C1QTNF6: variants seen among roughly 807,000 people sequenced by gnomAD.
C1QTNF6 encodes the protein complement C1q tumor necrosis factor-related protein 6.
In C1QTNF6, 17 loss-of-function variants were observed where a neutral mutation model predicts 20.7. The ratio of observed to expected loss-of-function variants is 0.82; its 90% CI spans 0.56 to 1.23. The LOEUF is 1.23. C1QTNF6 is among the 50% of genes most tolerant of loss of function. The pLI is 0.00. For missense variants in C1QTNF6, 329 were observed against 389.7 expected (o/e 0.84, Z 1.31); for synonymous variants, 130 against 156.3 (o/e 0.83, Z 1.25).
At chr22:37,192,141 G>C (rs1219548024), upstream of C1QTNF6, among the ~76,000 whole-genome samples, 2 of 152,112 alleles carry the variant, frequency 1.3e-5, no homozygotes, top group Non-Finnish European at 2.9e-5. Context: ...TACCTAACTT[G>C]AAACAATCCT....
chr22:37,188,109 G>C, intron 1 of C1QTNF6, 54 bp downstream of exon 1: 1 of 1,554,782 alleles, frequency 6.4e-7, no homozygotes, highest in Non-Finnish European at 8.7e-7. Context: ...GGGAGGAGAG[G>C]AATTCCAGGC....
upstream of C1QTNF6, chr22:37,188,251 T>A: frequency 6.4e-7 from 1 of 1,556,328 alleles, no homozygotes; most frequent in Non-Finnish European, 8.7e-7. Flanking sequence ...CAATACTAAC[T>A]TGTTGCTGGC....
chr22:37,182,976 A>T lies in C1QTNF6; in HGVS notation c.290-241T>A, dbSNP rs1263891889. 3.7e-6 allele frequency: 5 copies of T among 1,362,404 alleles called. No individual in the cohort carries two copies. The Admixed American group carries it at 1.7e-4, about 46-fold the overall frequency. The allele number at this position is 1,362,404 out of a possible 1,614,324, so 84.4% of individuals were successfully genotyped here. On this transcript the variant is annotated intron_variant, in intron 2 of 2. Transcript: ENST00000337843. The stretch of plus-strand genomic sequence containing the variant: ...ACCCCGGGCCACACAGTGCAGGAGC[A>T]GAAGAGGCAGGACTTAAAATATGGT...
At chr22:37,194,189 C>T (rs748490843) in intron 2 of C1QTNF6, among the ~76,000 whole-genome samples, 8 of 152,152 alleles carry the variant, frequency 5.3e-5, no homozygotes, top group Non-Finnish European at 1.0e-4. Flanking sequence ...AGGGACCTGC[C>T]GCCAAGTTTG....
At chr22:37,185,115 T>C in intron 2 of C1QTNF6, 103 bp downstream of exon 2, 1 of 1,453,666 alleles carries the variant, frequency 6.9e-7, no homozygotes, top group Non-Finnish European at 9.1e-7. Flanking sequence ...TAACTCAGGA[T>C]GAAAGAGGAG....
At chr22:37,190,535 C>A (rs1448211032), upstream of C1QTNF6, 1 of 152,216 alleles carries the variant, frequency 6.6e-6, no homozygotes, top group African/African-American at 2.4e-5. Flanking sequence ...GGACTTCATA[C>A]ACAAGGTACA....
At position 37,182,150 on chromosome 22, in the gene C1QTNF6, A is replaced by C. The variant is rs1465642316; in HGVS notation, c.*38T>G. 3 of 1,577,508 alleles carry C rather than the reference A, an allele frequency of 1.9e-6. No homozygotes were observed. Among genetic ancestry groups the C allele is most frequent in the Non-Finnish European group, 2.6e-6 (3 of 1,160,356 alleles). On this transcript the variant is annotated 3_prime_UTR_variant, in exon 3 of 3. Coordinates refer to ENST00000337843, the MANE Select transcript of C1QTNF6 (RefSeq NM_031910.4). ...GAGCCCTGCAGGGGACGGGACCAGC[A>C]CCTGAGCTCTCCAGCCGGGAGGGTG... is the stretch of plus-strand genomic sequence containing the variant.
At chr22:37,185,662 G>A (rs944951332) in intron 1 of C1QTNF6, 1 of 1,274,410 alleles carries the variant, frequency 7.8e-7, no homozygotes, top group South Asian at 2.4e-5. Flanking sequence ...GACTGGCAGG[G>A]CAGGGCCTGC....
At chr22:37,190,068 T>C (rs900006649), upstream of C1QTNF6, among the ~76,000 whole-genome samples, 7 of 152,192 alleles carry the variant, frequency 4.6e-5, no homozygotes, top group African/African-American at 1.4e-4. Context: ...GATGACTGTT[T>C]GGTTCACAGA....
chr22:37,185,370 A>T lies in C1QTNF6; in HGVS notation c.137T>A (p.Leu46His). Reference sequence around the variant, plus strand: ...GCTGGCCACAGCTCTGTCAAAGGTGAGCTCCACCATAGGGATCTCACACAT... The same window carrying T: ...GCTGGCCACAGCTCTGTCAAAGGTGTGCTCCACCATAGGGATCTCACACAT... ...LLMCEIPMVELTFDRAVASGC... is the reference protein window; with the variant it reads ...LLMCEIPMVEHTFDRAVASGC... Residue 46 changes from leucine (L) to histidine (H), a missense_variant, in exon 2 of 3, where the codon CTC (leucine) becomes CAC (histidine). Transcript: ENST00000337843. 6.2e-7 allele frequency: 1 copy of T among 1,613,770 alleles called. No individual in the cohort carries two copies. The highest frequency in any genetic ancestry group is 8.5e-7 in the Non-Finnish European group (1 of 1,179,928).
chr22:37,192,238 A>T (rs1362485524), upstream of C1QTNF6, among the ~76,000 whole-genome samples: 1 of 152,208 alleles, frequency 6.6e-6, no homozygotes, highest in Non-Finnish European at 1.5e-5. Context: ...TTCCTTACAC[A>T]CCTTGCATAT....
intron 1 of C1QTNF6, among the ~76,000 whole-genome samples, chr22:37,187,606 T>C (rs1924478284): frequency 6.6e-6 from 1 of 151,064 alleles, no homozygotes; most frequent in Admixed American, 6.6e-5. Context: ...TTTGACTTCT[T>C]CCCTGTGCCT....
At chr22:37,193,354 G>C (rs1282937901) in intron 2 of C1QTNF6, among the ~76,000 whole-genome samples, 1 of 152,128 alleles carries the variant, frequency 6.6e-6, no homozygotes, top group Admixed American at 6.5e-5. Context: ...TCCCAAAACA[G>C]GGTCTGTAGC....
At chr22:37,188,069 A>C in intron 1 of C1QTNF6, 94 bp downstream of exon 1, 16 of 1,274,014 alleles carry the variant, frequency 1.3e-5, no homozygotes, top group Non-Finnish European at 1.6e-5. Context: ...GGGAGAGAGC[A>C]GGGCCCGAGA....
intron 2 of C1QTNF6, among the ~76,000 whole-genome samples, chr22:37,193,997 T>C (rs1487274249): frequency 6.6e-6 from 1 of 152,176 alleles, no homozygotes; most frequent in Admixed American, 6.5e-5. Flanking sequence ...GAGAAGCCAA[T>C]TTCAAGCGTG....
Position 37,180,267 on chromosome 22 carries a change from T to G in C1QTNF6, c.*1921A>C, listed in dbSNP as rs1356100967. On this transcript the variant is annotated 3_prime_UTR_variant, in exon 3 of 3. Transcript: ENST00000337843. ...GGGTGGTTTATAGCACAGGTCTTCC[T>G]GGCACTTGGTCAGACCCTGTTTCCG... 6.5e-6 allele frequency: 1 copy of G among 152,680 alleles called. No homozygotes were observed. Among genetic ancestry groups the G allele is most frequent in the Non-Finnish European group, 1.5e-5 (1 of 68,134 alleles). 9.5% of individuals were successfully genotyped at this position (152,680 alleles called of 1,614,324 possible). A position where few individuals can be genotyped will look rare whatever the true frequency, so the allele number is the denominator to read the frequency against.
At position 37,184,226 on chromosome 22, in the gene C1QTNF6, G is replaced by A. The variant is rs1384945393; in HGVS notation, c.289+992C>T. The A allele has an allele frequency of 1.5e-6, 1 of 652,188 alleles. No homozygotes were observed. The highest frequency in any genetic ancestry group is 1.8e-5 in the African/African-American group (1 of 55,956). 40.4% of individuals were successfully genotyped at this position (652,188 alleles called of 1,614,324 possible). ...GGTGACCACTGGCTGTGCAGTGAGTGTCCCCGGGGAGAGCTCAGGAACAAA... is the reference window on the plus strand; with the variant it reads ...GGTGACCACTGGCTGTGCAGTGAGTATCCCCGGGGAGAGCTCAGGAACAAA... On this transcript the variant is annotated intron_variant, in intron 2 of 2. Transcript: ENST00000337843. The surrounding 1 kb of genome is among the most constrained non-coding windows in gnomAD (Gnocchi z 4.0).
At chr22:37,183,829 A>C (rs1924017137) in intron 2 of C1QTNF6, among the ~76,000 whole-genome samples, 1 of 152,198 alleles carries the variant, frequency 6.6e-6, no homozygotes, top group Admixed American at 6.5e-5. Context: ...GAAAGGAAGG[A>C]GTGGAGGGTG....
upstream of C1QTNF6, chr22:37,197,997 TG>T (rs1486497557): frequency 1.3e-5 from 2 of 152,214 alleles, no homozygotes; most frequent in Non-Finnish European, 2.9e-5. Context: ...GGCCGACTGG[TG>T]GAATGCCCGA....
Sources: allele counts gnomAD v4.1 joint callset (sites outside exome capture counted in the v4.1 genomes callset), GRCh38; gene constraint gnomAD v4.1.1; non-coding constraint Gnocchi (gnomAD v3.1); transcripts MANE v1.5; gene names NCBI Gene and HGNC (gene_info 2026-07-23, HGNC 2026-07-21).